VGLL2: variants seen among roughly 807,000 people sequenced by gnomAD.
VGLL2 encodes transcription cofactor vestigial-like protein 2.
VGLL2 carries 18 observed loss-of-function variants against 27.0 expected under a neutral mutation model. That is an observed-to-expected ratio of 0.67 (90% CI 0.46 to 0.99). The LOEUF is 0.99. VGLL2 is among the 50% of genes least tolerant of loss of function. The pLI is 0.00. For synonymous variants in VGLL2, 220 were observed against 201.1 expected, an observed-to-expected ratio of 1.09 and a Z score of -0.80; for missense variants, 491 against 452.3, an observed-to-expected ratio of 1.09 and a Z score of -0.78.
rs1329598386 is a variant in VGLL2 at position 117,272,584 on chromosome 6, T to C, written c.*90T>C. On this transcript the variant is annotated 3_prime_UTR_variant, in exon 4 of 4. Coordinates refer to ENST00000326274, the MANE Select transcript of VGLL2 (RefSeq NM_182645.3). ...GCCTCTCACTCCGTGGATGAGGACA[T>C]GGGGGAAGGCAGAGACTTCAGACTT... 3.8e-6 allele frequency: 6 copies of C among 1,587,934 alleles called. No homozygotes were observed. Among genetic ancestry groups the C allele is most frequent in the Non-Finnish European group, 5.2e-6 (6 of 1,162,240 alleles).
At chr6:117,269,375 T>C (rs1464487876) in intron 2 of VGLL2, among the ~76,000 whole-genome samples, 1 of 152,200 alleles carries the variant, frequency 6.6e-6, no homozygotes, top group African/African-American at 2.4e-5. Flanking sequence ...GGGGACTTTG[T>C]TGTAAAAACA....
At chr6:117,269,551 T>A (rs1313191975) in intron 2 of VGLL2, among the ~76,000 whole-genome samples, 1 of 152,228 alleles carries the variant, frequency 6.6e-6, no homozygotes, top group Non-Finnish European at 1.5e-5. Context: ...TAAATATGTT[T>A]AACAGGAAGA....
rs778313621 is a variant in VGLL2 at position 117,268,176 on chromosome 6, G to C, written c.82-6G>C. The C allele has an allele frequency of 1.2e-6, 2 of 1,612,784 alleles. No homozygotes were observed. The highest frequency in any genetic ancestry group is 8.5e-7 in the Non-Finnish European group (1 of 1,179,484). On this transcript the variant is annotated splice_polypyrimidine_tract_variant and splice_region_variant and intron_variant, in intron 1 of 3. Coordinates refer to ENST00000326274, the MANE Select transcript of VGLL2 (RefSeq NM_182645.3). ...TGATATCTCTGTTCTTTCTCTCTCT[G>C]AACAGAAACTAGCCTATTATTCCAA... is the stretch of plus-strand genomic sequence containing the variant.
intron 1 of VGLL2, among the ~76,000 whole-genome samples, chr6:117,267,659 T>G (rs1381597765): frequency 6.6e-6 from 1 of 152,240 alleles, no homozygotes. Context: ...CCTTCACACA[T>G]TCCTAGTTTC....
rs1473323996 is a variant in VGLL2 at position 117,272,681 on chromosome 6, A to G, written c.*187A>G. The G allele has an allele frequency of 1.3e-6, 1 of 777,428 alleles. No homozygotes were observed. The highest frequency in any genetic ancestry group is 2.0e-6 in the Non-Finnish European group (1 of 499,926). The allele number at this position is 777,428 out of a possible 1,614,324, so 48.2% of individuals were successfully genotyped here. A position where few individuals can be genotyped will look rare whatever the true frequency, so the allele number is the denominator to read the frequency against. On this transcript the variant is annotated 3_prime_UTR_variant, in exon 4 of 4. Coordinates refer to ENST00000326274, the MANE Select transcript of VGLL2 (RefSeq NM_182645.3). ...TAAAAATAAGTCCTGCTGCTGAAAG[A>G]GCAAATCCAAAGACTGAGTTATGTT...
Position 117,268,222 on chromosome 6 carries a change from G to A in VGLL2, c.122G>A (p.Cys41Tyr), listed in dbSNP as rs767689314. Reference protein sequence around the residue: ...YYSKMQEAQECNASPSSSGSG... With the variant: ...YYSKMQEAQEYNASPSSSGSG... ...TCCAAAATGCAGGAAGCGCAGGAGT[G>A]CAATGCCAGCCCCAGCAGCAGTGGC... The change falls in exon 2 of 4, where the codon TGC becomes TAC. Residue 41 changes from cysteine (C) to tyrosine (Y), a missense_variant. By Grantham distance (194) the Cys-to-Tyr change is radical. Coordinates refer to ENST00000326274, the MANE Select transcript of VGLL2 (RefSeq NM_182645.3). 4 of 1,614,052 alleles carry A rather than the reference G, an allele frequency of 2.5e-6. No individual in the cohort carries two copies. The African/African-American group carries it at 5.3e-5, about 22-fold the overall frequency.
chr6:117,272,228 C>T (rs1773218509), intron 3 of VGLL2: 2 of 822,628 alleles, frequency 2.4e-6, no homozygotes, highest in African/African-American at 1.9e-5. Context: ...TTCTCCTTCT[C>T]CTTCTTCTTC....
At chr6:117,270,120 C>T (rs767778120) in intron 2 of VGLL2, among the ~76,000 whole-genome samples, 4 of 151,920 alleles carry the variant, frequency 2.6e-5, no homozygotes, top group Non-Finnish European at 5.9e-5. Context: ...GTATCGTTAG[C>T]TTGGGGAGAG....
In VGLL2 at chr6:117,268,194, T is replaced by C. The variant is rs1196445423; in HGVS notation, c.94T>C (p.Tyr32His). 1 of 1,613,628 alleles carries C rather than the reference T, an allele frequency of 6.2e-7. No individual in the cohort carries two copies. Among genetic ancestry groups the C allele is most frequent in the African/African-American group, 1.3e-5 (1 of 74,814 alleles). Reference protein sequence around the residue: ...YTPYHQKLAYYSKMQEAQECN... With the variant: ...YTPYHQKLAYHSKMQEAQECN... ...TCTCTCTGAACAGAAACTAGCCTAT[T>C]ATTCCAAAATGCAGGAAGCGCAGGA... The change falls in exon 2 of 4, where the codon TAT becomes CAT. Residue 32 changes from tyrosine to histidine, a missense_variant. Coordinates refer to ENST00000326274, the MANE Select transcript of VGLL2 (RefSeq NM_182645.3).
At position 117,272,818 on chromosome 6, in the gene VGLL2, G is replaced by A. The variant is rs1297488776; in HGVS notation, c.*324G>A. 9.7e-6 allele frequency: 4 copies of A among 411,622 alleles called. No homozygotes were observed. The highest frequency in any genetic ancestry group is 1.3e-5 in the Non-Finnish European group (3 of 230,692). 25.5% of individuals were successfully genotyped at this position (411,622 alleles called of 1,614,324 possible). On this transcript the variant is annotated 3_prime_UTR_variant, in exon 4 of 4. Transcript: ENST00000326274. ...GGGAAAGAAAATGAAACTTTTTGGT[G>A]TGAATATTTTTTATGCTGATGTGAA...
Position 117,268,225 on chromosome 6 carries a change from A to G in VGLL2, c.125A>G (p.Asn42Ser), listed in dbSNP as rs776185151. The G allele has an allele frequency of 2.5e-6, 4 of 1,614,188 alleles. No individual in the cohort carries two copies. Among genetic ancestry groups the G allele is most frequent in the Non-Finnish European group, 1.7e-6 (2 of 1,180,032 alleles). Residue 42 changes from asparagine (N) to serine (S), a missense_variant, in exon 2 of 4, where the codon AAT becomes AGT. Coordinates refer to ENST00000326274, the MANE Select transcript of VGLL2 (RefSeq NM_182645.3). ...YSKMQEAQEC[N>S]ASPSSSGSGS... ...AAAATGCAGGAAGCGCAGGAGTGCAATGCCAGCCCCAGCAGCAGTGGCAGC... is the reference window on the plus strand; with the variant it reads ...AAAATGCAGGAAGCGCAGGAGTGCAGTGCCAGCCCCAGCAGCAGTGGCAGC...
At position 117,273,563 on chromosome 6, in the gene VGLL2, T is replaced by C. The variant is rs1241077327; in HGVS notation, c.*1069T>C. ...GAACATTAAAGATGTCTATTTACTA[T>C]GAGCTCACTGTGTTGTTTCATAAAA... On this transcript the variant is annotated 3_prime_UTR_variant, in exon 4 of 4. Transcript: ENST00000326274. The C allele has an allele frequency of 6.6e-6, 1 of 152,000 alleles. No homozygotes were observed. The highest frequency in any genetic ancestry group is 6.6e-5 in the Admixed American group (1 of 15,208). The allele number at this position is 152,000 out of a possible 1,614,324, so 9.4% of individuals were successfully genotyped here.
rs1411008163 is a variant in VGLL2, at chr6:117,265,650, G to C, written c.-114G>C. 2.3e-6 allele frequency: 2 copies of C among 862,588 alleles called. No homozygotes were observed. The highest frequency in any genetic ancestry group is 1.7e-5 in the African/African-American group (1 of 60,196). 53.4% of individuals were successfully genotyped at this position (862,588 alleles called of 1,614,324 possible). A position where few individuals can be genotyped will look rare whatever the true frequency, so the allele number is the denominator to read the frequency against. On this transcript the variant is annotated 5_prime_UTR_variant, in exon 1 of 4. Transcript: ENST00000326274. ...CCGAGCCGCGGAGCGCGCTGGCTTTGCTCCGCCTGATGACTCCAGAGCGCG... is the reference window on the plus strand; with the variant it reads ...CCGAGCCGCGGAGCGCGCTGGCTTTCCTCCGCCTGATGACTCCAGAGCGCG...
intron 2 of VGLL2, among the ~76,000 whole-genome samples, chr6:117,269,599 A>T (rs1469320483): frequency 6.6e-6 from 1 of 152,194 alleles, no homozygotes; most frequent in Non-Finnish European, 1.5e-5. Flanking sequence ...AATCATTTAA[A>T]ATTCTCTAGT....
At chr6:117,270,196 T>C (rs1048964714) in intron 2 of VGLL2, among the ~76,000 whole-genome samples, 4 of 152,026 alleles carry the variant, frequency 2.6e-5, no homozygotes, top group African/African-American at 9.7e-5. Context: ...CTTCAAGGAC[T>C]TGAGTCGGGG....
chr6:117,268,120 T>C, intron 1 of VGLL2, 62 bp from the exon 2 acceptor site: 1 of 1,538,120 alleles, frequency 6.5e-7, no homozygotes, highest in Non-Finnish European at 8.9e-7. Flanking sequence ...AGGGAATCAG[T>C]CTGAACCGAA....
intron 1 of VGLL2, 52 bp from the exon 2 acceptor site, chr6:117,268,130 A>C: frequency 6.3e-7 from 1 of 1,576,570 alleles, no homozygotes; most frequent in Non-Finnish European, 8.7e-7. Flanking sequence ...TCTGAACCGA[A>C]TTTGCCATCG....
At chr6:117,267,662 C>T (rs946670780) in intron 1 of VGLL2, among the ~76,000 whole-genome samples, 3 of 152,158 alleles carry the variant, frequency 2.0e-5, no homozygotes, top group African/African-American at 7.2e-5. Flanking sequence ...TCACACATTC[C>T]TAGTTTCAGG....
chr6:117,266,378 G>T (rs1041832788), intron 1 of VGLL2, among the ~76,000 whole-genome samples: 1 of 152,186 alleles, frequency 6.6e-6, no homozygotes, highest in Non-Finnish European at 1.5e-5. Context: ...CAGATCCAGA[G>T]AATTCATTTC....
Sources: gnomAD v4.1 joint callset for allele counts (sites outside exome capture counted in the v4.1 genomes callset) on GRCh38, gnomAD v4.1.1 for gene constraint, MANE v1.5 for transcripts, NCBI Gene and HGNC (gene_info 2026-07-23, HGNC 2026-07-21) for gene names.